The following PALLD variants were observed in gnomAD, a reference collection of about 807,000 sequenced individuals.
The protein encoded by PALLD is palladin.
PALLD carries 61 observed loss-of-function variants against 123.5 expected under a neutral mutation model. The observed-to-expected ratio is 0.49, with a 90% confidence interval of 0.40 to 0.61. PALLD has a LOEUF of 0.61. PALLD is among the 20% of genes least tolerant of loss of function. The probability of loss-of-function intolerance (pLI) is 0.00; values close to 1 mark genes in which losing one functional copy is unlikely to be tolerated. For synonymous variants in PALLD, 465 were observed against 496.4 expected (o/e 0.94, Z 0.84); for missense variants, 1,273 against 1,377.0 (o/e 0.92, Z 1.20).
At chr4:168,878,458 A>C in intron 10 of PALLD, 2 of 1,239,818 alleles carry the variant, frequency 1.6e-6, no homozygotes, top group Non-Finnish European at 2.1e-6. Flanking sequence ...TGGGACTCCC[A>C]CATCTCCATA....
At chr4:168,631,101 T>G (rs890080061) in intron 2 of PALLD, among the ~76,000 whole-genome samples, 4 of 152,212 alleles carry the variant, frequency 2.6e-5, no homozygotes, top group African/African-American at 9.6e-5. Context: ...TTCTTGGCAT[T>G]CCCTTTCCTA....
chr4:168,922,094 TATATATATAC>T (rs1028730510), intron 18 of PALLD, among the ~76,000 whole-genome samples: 3 of 106,826 alleles, frequency 2.8e-5, no homozygotes, highest in African/African-American at 9.7e-5. Flanking sequence ...TTTATATATA[TATATATATAC>T]ACACACACAC....
intron 2 of PALLD, among the ~76,000 whole-genome samples, chr4:168,540,621 T>A (rs1164849073): frequency 6.6e-6 from 1 of 152,204 alleles, no homozygotes; most frequent in East Asian, 1.9e-4. Context: ...TGCATGTATG[T>A]TTGTTTTTAC....
At chr4:168,923,853 T>C (rs1762058676) in intron 18 of PALLD, among the ~76,000 whole-genome samples, 1 of 152,180 alleles carries the variant, frequency 6.6e-6, no homozygotes, top group Non-Finnish European at 1.5e-5. Context: ...AGTGGTCAAA[T>C]TCCTAGAAAT....
At chr4:168,778,130 T>C (rs1197735427) in intron 10 of PALLD, among the ~76,000 whole-genome samples, 4 of 152,222 alleles carry the variant, frequency 2.6e-5, no homozygotes, top group African/African-American at 9.7e-5. Context: ...CAGCTTTTCC[T>C]TCCTCTTTTC....
Position 168,781,770 on chromosome 4 carries a change from A to AG in PALLD, c.1964+69847_1964+69848insG, listed in dbSNP as rs1735960213. Among the ~76,000 whole-genome samples, 5 of 152,176 alleles carry AG rather than the reference A, an allele frequency of 3.3e-5. No homozygotes were observed. The South Asian group carries it at 1.0e-3, about 32-fold the overall frequency. ...AGACAGGCAATTCAGAACACAGCTC[A>AG]CAGAAGCCCGGAACAAGACTGGACC... On this transcript the variant is annotated intron_variant, in intron 10 of 21. Coordinates refer to ENST00000505667, the MANE Select transcript of PALLD (RefSeq NM_001166108.2).
chr4:168,814,171 T>C (rs1469804344), intron 10 of PALLD, among the ~76,000 whole-genome samples: 2 of 152,098 alleles, frequency 1.3e-5, no homozygotes, highest in African/African-American at 2.4e-5. Flanking sequence ...ATGAGAAAGG[T>C]TGAGTCTAAG....
intron 2 of PALLD, among the ~76,000 whole-genome samples, chr4:168,586,452 C>T (rs1237170937): frequency 4.6e-5 from 7 of 152,152 alleles, no homozygotes; most frequent in Admixed American, 4.6e-4. Flanking sequence ...GGACCCAATT[C>T]GTTTTGCTGT....
chr4:168,651,243 T>C (rs1057020015), intron 2 of PALLD, among the ~76,000 whole-genome samples: 2 of 152,332 alleles, frequency 1.3e-5, no homozygotes, highest in African/African-American at 4.8e-5. Context: ...GTATACTAGT[T>C]ATTAGGCTCA....
chr4:168,526,979 C>T (rs1764109607), intron 2 of PALLD, among the ~76,000 whole-genome samples: 1 of 152,162 alleles, frequency 6.6e-6, no homozygotes, highest in Non-Finnish European at 1.5e-5. Flanking sequence ...CATTAAACAT[C>T]CATATCCCAA....
intron 2 of PALLD, among the ~76,000 whole-genome samples, chr4:168,546,658 A>G (rs2149524898): frequency 6.6e-6 from 1 of 152,314 alleles, no homozygotes; most frequent in Admixed American, 6.5e-5. Context: ...TTGGTCCAGT[A>G]TAACCCAGTT....
chr4:168,674,081 AT>A lies in PALLD; in HGVS notation c.1087+5718del, dbSNP rs1346778078. On this transcript the variant is annotated intron_variant, in intron 3 of 21. Transcript: ENST00000505667. The stretch of plus-strand genomic sequence containing the variant: ...AGTCACGAGCCACCATGCCCGGCTA[AT>A]TTTTGTATTTTTAGTAAAGATGGGG... Among the ~76,000 whole-genome samples, 6 of 151,986 alleles carry A rather than the reference AT, an allele frequency of 3.9e-5. No individual in the cohort carries two copies. In the East Asian group the frequency reaches 1.2e-3, roughly 29 times the overall value.
At chr4:168,874,280 G>A (rs1001490307) in intron 10 of PALLD, among the ~76,000 whole-genome samples, 1 of 152,238 alleles carries the variant, frequency 6.6e-6, no homozygotes, top group Non-Finnish European at 1.5e-5. Flanking sequence ...TTTTAGTGTG[G>A]TTAACTTTTT....
intron 17 of PALLD, among the ~76,000 whole-genome samples, chr4:168,916,702 GAC>G (rs1760186077): frequency 1.2e-5 from 1 of 86,800 alleles, no homozygotes; most frequent in African/African-American, 3.5e-5. Context: ...TTTTTTTTGA[GAC>G]AGAGTCTCAC....
At position 168,551,643 on chromosome 4, in the gene PALLD, T is replaced by A. The variant is rs372529858; in HGVS notation, c.908+39231T>A. ...CCTTGACAATAGTTTAGAATAAAAA[T>A]GATGTTTCATTTTTTTTTAACATTT... On this transcript the variant is annotated intron_variant, in intron 2 of 21. Coordinates refer to ENST00000505667, the MANE Select transcript of PALLD (RefSeq NM_001166108.2). 1.7e-4 allele frequency among the ~76,000 whole-genome samples: 26 copies of A among 152,142 alleles called. 1 individual carries two copies. The highest frequency in any genetic ancestry group is 6.3e-4 in the African/African-American group (26 of 41,486).
chr4:168,500,894 T>C (rs1378064716), intron 1 of PALLD, among the ~76,000 whole-genome samples: 1 of 152,208 alleles, frequency 6.6e-6, no homozygotes, highest in African/African-American at 2.4e-5. Context: ...AAAAAATAAA[T>C]GTTTTGCCAA....
intron 10 of PALLD, among the ~76,000 whole-genome samples, chr4:168,724,366 C>A (rs6826836): frequency 0.02 from 3,071 of 152,218 alleles, 102 homozygotes; most frequent in African/African-American, 0.069. Context: ...CATACTAATA[C>A]ATCACCTAAT....
chr4:168,642,767 A>G (rs1777086271), intron 2 of PALLD, among the ~76,000 whole-genome samples: 1 of 152,226 alleles, frequency 6.6e-6, no homozygotes, highest in Non-Finnish European at 1.5e-5. Context: ...AGCTTGTGAT[A>G]GTGGGGCAGC....
At chr4:168,515,800 G>C (rs998842527) in intron 2 of PALLD, among the ~76,000 whole-genome samples, 19 of 152,306 alleles carry the variant, frequency 1.2e-4, no homozygotes, top group African/African-American at 3.9e-4. Flanking sequence ...GACTCAACTG[G>C]GTCCAGATTA....
Sources: gnomAD v4.1 joint callset for allele counts (sites outside exome capture counted in the v4.1 genomes callset) on GRCh38, gnomAD v4.1.1 for gene constraint, MANE v1.5 for transcripts, NCBI Gene and HGNC (gene_info 2026-07-23, HGNC 2026-07-21) for gene names.